NAV2: variants seen among roughly 807,000 people sequenced by gnomAD.
The protein encoded by NAV2 is helicase, APC down-regulated 1.
Under a neutral mutation model 223.2 loss-of-function variants are expected in NAV2, and 54 were observed. That is an observed-to-expected ratio of 0.24 (90% CI 0.19 to 0.30). The LOEUF is 0.30. NAV2 is among the 10% of genes least tolerant of loss of function. The pLI is 1.00. For synonymous variants in NAV2, 1,279 were observed against 1,239.3 expected (o/e 1.03, Z -0.67); for missense variants, 2,806 against 3,147.5 (o/e 0.89, Z 2.60).
At chr11:19,883,893 AG>A (rs2063368792) in intron 5 of NAV2, among the ~76,000 whole-genome samples, 1 of 152,202 alleles carries the variant, frequency 6.6e-6, no homozygotes, top group African/African-American at 2.4e-5. Context: ...TGGGATACTG[AG>A]GACATTCATC....
rs142065885 is a variant in NAV2, at chr11:19,581,616, T to C, written c.75+230589T>C. ...CACCTATGAGTGAGAACATGCGGTATTTGGTTTTTTGTCCTTGTGATAGTT... is the reference window on the plus strand; with the variant it reads ...CACCTATGAGTGAGAACATGCGGTACTTGGTTTTTTGTCCTTGTGATAGTT... On this transcript the variant is annotated intron_variant, in intron 1 of 37. Coordinates refer to the NAV2 transcript ENST00000360655. 6.7e-3 allele frequency among the ~76,000 whole-genome samples: 1,022 copies of C among 152,230 alleles called. 13 individuals carry two copies. The highest frequency in any genetic ancestry group is 0.023 in the African/African-American group (963 of 41,538).
At position 19,614,746 on chromosome 11, in the gene NAV2, G is replaced by C. The variant is rs1037245029; in HGVS notation, c.76-217738G>C. 6.6e-5 allele frequency among the ~76,000 whole-genome samples: 10 copies of C among 152,136 alleles called. No homozygotes were observed. The East Asian group carries it at 1.7e-3, about 26-fold the overall frequency. ...TGGAGGCGTTTTCTCTGTAGCTGTGGTTTTCCTGTTCTGCTCAGGGCCTCT... is the reference window on the plus strand; with the variant it reads ...TGGAGGCGTTTTCTCTGTAGCTGTGCTTTTCCTGTTCTGCTCAGGGCCTCT... On this transcript the variant is annotated intron_variant, in intron 1 of 37. Transcript: ENST00000360655.
At chr11:19,404,097 T>C (rs993110786) in intron 1 of NAV2, among the ~76,000 whole-genome samples, 2 of 152,032 alleles carry the variant, frequency 1.3e-5, no homozygotes, top group South Asian at 4.2e-4. Flanking sequence ...CTTGTGAAGA[T>C]AAGGTGGAGG....
At chr11:19,407,943 A>G (rs565576861) in intron 1 of NAV2, among the ~76,000 whole-genome samples, 7 of 152,260 alleles carry the variant, frequency 4.6e-5, no homozygotes. Flanking sequence ...CAGACATTTC[A>G]TGACCTCAGG....
intron 1 of NAV2, among the ~76,000 whole-genome samples, chr11:19,372,946 G>A (rs983234848): frequency 9.9e-5 from 15 of 152,126 alleles, no homozygotes; most frequent in Admixed American, 3.3e-4. Flanking sequence ...CTGATTTCTC[G>A]TTTTTAAATC....
chr11:19,876,840 A>G (rs1342825886), intron 4 of NAV2, among the ~76,000 whole-genome samples: 1 of 151,330 alleles, frequency 6.6e-6, no homozygotes, highest in African/African-American at 2.4e-5. Flanking sequence ...AATATTTGAC[A>G]TCCCAGAAAA....
Position 19,933,848 on chromosome 11 carries a change from A to C in NAV2, c.1604A>C (p.Lys535Thr), listed in dbSNP as rs766754248. ...SGAAVPEMPK[K>T]SSKIASFIPK... Reference sequence around the variant, plus strand: ...GCAGCTGTGCCCGAGATGCCAAAAAAGTCCTCCAAGATTGCCAGCTTCATC... The same window carrying C: ...GCAGCTGTGCCCGAGATGCCAAAAACGTCCTCCAAGATTGCCAGCTTCATC... Residue 535 changes from lysine to threonine, a missense_variant, in exon 7 of 38, where the codon AAG becomes ACG. By Grantham distance (78) the Lys-to-Thr change is moderately conservative. Coordinates refer to ENST00000349880, the MANE Select transcript of NAV2 (RefSeq NM_145117.5). This position sits in a 1 kb window ranked among gnomAD's most constrained non-coding sequence, Gnocchi z 4.3. 14 of 1,607,158 alleles carry C rather than the reference A, an allele frequency of 8.7e-6. No homozygotes were observed. The African/African-American group carries it at 1.6e-4, about 19-fold the overall frequency.
intron 3 of NAV2, among the ~76,000 whole-genome samples, chr11:19,864,238 C>T (rs1039726889): frequency 6.6e-6 from 1 of 152,148 alleles, no homozygotes; most frequent in African/African-American, 2.4e-5. Flanking sequence ...ACTACAGTTC[C>T]ATTTATTTGG....
chr11:19,522,738 G>T (rs2043705709), intron 1 of NAV2, among the ~76,000 whole-genome samples: 1 of 152,208 alleles, frequency 6.6e-6, no homozygotes, highest in African/African-American at 2.4e-5. Context: ...CTGAATAAGG[G>T]AGTTGCTGTG....
intron 3 of NAV2, among the ~76,000 whole-genome samples, chr11:19,846,455 G>C (rs1565418736): frequency 6.6e-6 from 1 of 152,298 alleles, no homozygotes; most frequent in Non-Finnish European, 1.5e-5. Context: ...TCCTGCATAT[G>C]GGGGAGAAAC....
At chr11:19,606,701 A>G (rs2046482925) in intron 1 of NAV2, among the ~76,000 whole-genome samples, 1 of 152,238 alleles carries the variant, frequency 6.6e-6, no homozygotes. Flanking sequence ...GAAGCACTCT[A>G]AATTACCTCT....
chr11:20,062,226 T>C, intron 19 of NAV2, 81 bp from the exon 20 acceptor site: 1 of 995,776 alleles, frequency 1.0e-6, no homozygotes, highest in Non-Finnish European at 1.5e-6. Flanking sequence ...TGTCCTGTAT[T>C]GCTGATGTTC....
rs796980692 is a variant in NAV2, at chr11:19,627,388, C to CA, written c.76-205085dup. Among the ~76,000 whole-genome samples, 778 of 142,488 alleles carry CA rather than the reference C, an allele frequency of 5.5e-3. 3 individuals carry two copies. The highest frequency in any genetic ancestry group is 0.017 in the African/African-American group (661 of 38,974). 93.5% of individuals were successfully genotyped at this position (142,488 alleles called of 152,430 possible). A position where few individuals can be genotyped will look rare whatever the true frequency, so the allele number is the denominator to read the frequency against. ...TGGACAACAGAGCGAGACTCTGTCT[C>CA]AAAAAAAAAAAGAGATCCATGTGCC... On this transcript the variant is annotated intron_variant, in intron 1 of 37. Transcript: ENST00000360655.
rs2057534995 is a variant in NAV2 at position 20,047,249 on chromosome 11, G to C, written c.3903-1479G>C. Among the ~76,000 whole-genome samples, 3 of 152,194 alleles carry C rather than the reference G, an allele frequency of 2.0e-5. No homozygotes were observed. In the South Asian group the frequency reaches 6.2e-4, roughly 32 times the overall value. On this transcript the variant is annotated intron_variant, in intron 14 of 37. Transcript: ENST00000349880. ...ACTAGACCCTTAGGCTAGTGTAATGGAATGCTTGAAAATGCATGCAGCTCC... is the reference window on the plus strand; with the variant it reads ...ACTAGACCCTTAGGCTAGTGTAATGCAATGCTTGAAAATGCATGCAGCTCC...
rs2042594486 is a variant in NAV2 at position 19,490,655 on chromosome 11, T to G, written c.75+139628T>G. ...ATAGTTACTTCTTCCACTGAGGTCT[T>G]GAACCTCTCAAAGCCATCCATGAAG... is the stretch of plus-strand genomic sequence containing the variant. On this transcript the variant is annotated intron_variant, in intron 1 of 37. Coordinates refer to the NAV2 transcript ENST00000360655. Among the ~76,000 whole-genome samples the G allele has an allele frequency of 2.0e-5, 3 of 152,242 alleles. No individual in the cohort carries two copies. The South Asian group carries it at 6.2e-4, about 31-fold the overall frequency.
intron 1 of NAV2, among the ~76,000 whole-genome samples, chr11:19,781,264 T>A (rs1372386592): frequency 2.6e-5 from 4 of 152,300 alleles, no homozygotes; most frequent in South Asian, 4.1e-4. Flanking sequence ...CTGCAGGGCC[T>A]GCTGCTGAGG....
At chr11:19,741,685 GTGTATATATATATATATA>G (rs199734583) in intron 1 of NAV2, among the ~76,000 whole-genome samples, 4,221 of 131,778 alleles carry the variant, frequency 0.032, 122 homozygotes, top group Middle Eastern at 0.043. Context: ...ATGTGTGTGT[GTGTATATATATATATATA>G]TATATATATA....
chr11:19,829,255 G>GAGC (rs1216878069), intron 1 of NAV2, among the ~76,000 whole-genome samples: 1 of 152,218 alleles, frequency 6.6e-6, no homozygotes, highest in Non-Finnish European at 1.5e-5. Context: ...GGGTTTGAGA[G>GAGC]AGCAGTGTGG....
At chr11:19,627,249 G>A (rs539479770) in intron 1 of NAV2, among the ~76,000 whole-genome samples, 121 of 152,240 alleles carry the variant, frequency 7.9e-4, no homozygotes, top group African/African-American at 2.6e-3. Flanking sequence ...TTAGCAGGGC[G>A]TGGTATTGTG....
Sources: allele counts gnomAD v4.1 joint callset (sites outside exome capture counted in the v4.1 genomes callset), GRCh38; gene constraint gnomAD v4.1.1; non-coding constraint Gnocchi (gnomAD v3.1); transcripts MANE v1.5; gene names NCBI Gene and HGNC (gene_info 2026-07-23, HGNC 2026-07-21).